The following GALNT8 variants were observed in gnomAD, a reference collection of about 807,000 sequenced individuals.
GALNT8 encodes polypeptide N-acetylgalactosaminyltransferase 8.
Under a neutral mutation model 62.7 loss-of-function variants are expected in GALNT8, and 66 were observed. The observed-to-expected ratio is 1.05, with a 90% CI of 0.86 to 1.29. GALNT8 has a LOEUF of 1.29. Among genes scored for constraint, GALNT8 ranks in the 50% most tolerant of loss-of-function variants. The pLI is 0.00. For synonymous variants in GALNT8, 288 were observed against 294.3 expected (o/e 0.98, Z 0.22); for missense variants, 771 against 791.8 (o/e 0.97, Z 0.32).
chr12:4,761,330 A>G (rs994753642), intron 7 of GALNT8, among the ~76,000 whole-genome samples, 187 bp downstream of exon 7: 4 of 152,166 alleles, frequency 2.6e-5, no homozygotes, highest in South Asian at 2.1e-4. Flanking sequence ...GGACCCTTCT[A>G]TATATTAACT....
intron 10 of GALNT8, among the ~76,000 whole-genome samples, chr12:4,768,121 GT>G (rs1946407852): frequency 2.0e-5 from 3 of 152,050 alleles, no homozygotes; most frequent in Admixed American, 2.0e-4. Context: ...TCTCTTAAAT[GT>G]TTCAGAAGTG....
intron 3 of GALNT8, 98 bp downstream of exon 3, chr12:4,739,427 T>G: frequency 3.5e-6 from 3 of 859,760 alleles, no homozygotes; most frequent in Non-Finnish European, 5.5e-6. Flanking sequence ...ACACCTTGGG[T>G]TTCTCATGTA....
rs759672530 is a variant in GALNT8, at chr12:4,726,865, A to C, written c.509+36A>C. ...CCAGGCTTGGGCTTCTAGGGTCCTCAGTTTGATTTGAGGATGAGCTTTGGG... is the reference window on the plus strand; with the variant it reads ...CCAGGCTTGGGCTTCTAGGGTCCTCCGTTTGATTTGAGGATGAGCTTTGGG... On this transcript the variant is annotated intron_variant, in intron 2 of 10. Transcript: ENST00000252318. The surrounding 1 kb of genome is among the most constrained non-coding windows in gnomAD (Gnocchi z 4.1). 1 of 1,551,402 alleles carries C rather than the reference A, an allele frequency of 6.4e-7. No individual in the cohort carries two copies. Among genetic ancestry groups the C allele is most frequent in the Non-Finnish European group, 8.8e-7 (1 of 1,142,408 alleles).
intron 6 of GALNT8, among the ~76,000 whole-genome samples, chr12:4,747,177 G>T (rs1946303728): frequency 6.6e-6 from 1 of 152,110 alleles, no homozygotes; most frequent in Non-Finnish European, 1.5e-5. Context: ...AGAGAATGGG[G>T]TATCCATCCC....
At chr12:4,758,662 G>A (rs1946357615) in intron 6 of GALNT8, among the ~76,000 whole-genome samples, 1 of 151,440 alleles carries the variant, frequency 6.6e-6, no homozygotes, top group Non-Finnish European at 1.5e-5. Flanking sequence ...GAGAGAGAGA[G>A]AGAGAGAGAG....
chr12:4,745,768 G>A (rs554934598), intron 5 of GALNT8, 142 bp downstream of exon 5: 5 of 661,808 alleles, frequency 7.6e-6, no homozygotes, highest in Admixed American at 7.0e-5. Context: ...AAGGGATAGA[G>A]GGAAAAAACC....
rs1003597724 is a variant in GALNT8 at position 4,739,575 on chromosome 12, T to C, written c.676+246T>C. Among the ~76,000 whole-genome samples, 5 of 151,730 alleles carry C rather than the reference T, an allele frequency of 3.3e-5. No homozygotes were observed. In the East Asian group the frequency reaches 9.7e-4, roughly 29 times the overall value. ...AAAGAGATCACACAGTGTGCTTAAA[T>C]TGGGCTGCAACCCAGTGGCAGAGGT... On this transcript the variant is annotated intron_variant, in intron 3 of 10. Transcript: ENST00000252318.
chr12:4,766,312 C>T (rs1169081180), intron 10 of GALNT8, among the ~76,000 whole-genome samples: 3 of 152,268 alleles, frequency 2.0e-5, no homozygotes, highest in Non-Finnish European at 4.4e-5. Context: ...TTTCCTTACC[C>T]TCTCTGAAGC....
intron 1 of GALNT8, among the ~76,000 whole-genome samples, chr12:4,722,676 C>G (rs1946176274): frequency 6.6e-6 from 1 of 152,090 alleles, no homozygotes; most frequent in Non-Finnish European, 1.5e-5. Flanking sequence ...ATGCTGGAAC[C>G]CCATAGGGAG....
chr12:4,738,116 A>G (rs1946254244), intron 2 of GALNT8, among the ~76,000 whole-genome samples: 1 of 152,218 alleles, frequency 6.6e-6, no homozygotes, highest in South Asian at 2.1e-4. Flanking sequence ...AAATATTTAC[A>G]CTTAAATTTA....
intron 6 of GALNT8, among the ~76,000 whole-genome samples, chr12:4,747,202 C>G (rs935854803): frequency 6.6e-6 from 1 of 152,100 alleles, no homozygotes; most frequent in African/African-American, 2.4e-5. Flanking sequence ...AGCATTTATC[C>G]TTTGTGTTAC....
Position 4,758,606 on chromosome 12 carries a change from CTGTGTGTGTG to C in GALNT8, c.1174-2329_1174-2320del, listed in dbSNP as rs67025688. ...TATTATCAGCAGAAGCTTAATGTCT[CTGTGTGTGTG>C]TGTGTGTGTGTGTGTGTGTGTGAGA... On this transcript the variant is annotated intron_variant, in intron 6 of 10. Coordinates refer to ENST00000252318, the MANE Select transcript of GALNT8 (RefSeq NM_017417.2). 2.6e-3 allele frequency among the ~76,000 whole-genome samples: 298 copies of C among 113,640 alleles called. 2 individuals carry two copies. The highest frequency in any genetic ancestry group is 9.8e-3 in the African/African-American group (272 of 27,712). 74.6% of individuals were successfully genotyped at this position (113,640 alleles called of 152,430 possible). A position where few individuals can be genotyped will look rare whatever the true frequency, so the allele number is the denominator to read the frequency against.
intron 6 of GALNT8, among the ~76,000 whole-genome samples, chr12:4,759,317 C>T (rs1204891667): frequency 2.0e-5 from 3 of 151,970 alleles, no homozygotes; most frequent in African/African-American, 7.2e-5. Context: ...AGAAAATGTG[C>T]ACTTCAGGTT....
intron 10 of GALNT8, among the ~76,000 whole-genome samples, chr12:4,770,313 AAAAAAAC>A (rs1297379124): frequency 1.3e-5 from 2 of 151,918 alleles, no homozygotes; most frequent in South Asian, 2.1e-4. Flanking sequence ...AAAGAAAAAA[AAAAAAAC>A]AAAAAACAAA....
chr12:4,728,915 A>T (rs1489960256), intron 2 of GALNT8, among the ~76,000 whole-genome samples: 8 of 152,142 alleles, frequency 5.3e-5, no homozygotes, highest in African/African-American at 1.9e-4. Context: ...TTTGACAGGG[A>T]TTTCATTAAC....
chr12:4,739,131 A>T (rs750370745), intron 2 of GALNT8, 32 bp from the exon 3 acceptor site: 56 of 1,463,936 alleles, frequency 3.8e-5, no homozygotes, highest in African/African-American at 7.1e-5. Context: ...AATTAAAAAA[A>T]AATAATATGT....
At chr12:4,765,620 A>G (rs1946396464) in intron 10 of GALNT8, 74 bp downstream of exon 10, 1 of 1,193,570 alleles carries the variant, frequency 8.4e-7, no homozygotes, top group East Asian at 2.5e-5. Flanking sequence ...CTTGCTCTGC[A>G]GCCCAGGCTA....
In GALNT8 at chr12:4,720,582, CTCTT is replaced by C; in HGVS notation, c.-93_-90del. On this transcript the variant is annotated 5_prime_UTR_variant, in exon 1 of 11. The change creates a premature stop within an existing upstream ORF in the 5' untranslated region. Coordinates refer to ENST00000252318, the MANE Select transcript of GALNT8 (RefSeq NM_017417.2). The stretch of plus-strand genomic sequence containing the variant: ...ACCAACTCAACTGGCACCTAGAACT[CTCTT>C]TCCCACAAAAGCTAGGCTGGTTCTG... 1 of 856,020 alleles carries C rather than the reference CTCTT, an allele frequency of 1.2e-6. No individual in the cohort carries two copies. The highest frequency in any genetic ancestry group is 1.8e-5 in the Admixed American group (1 of 55,858). The allele number at this position is 856,020 out of a possible 1,614,324, so 53.0% of individuals were successfully genotyped here.
intron 10 of GALNT8, among the ~76,000 whole-genome samples, chr12:4,771,473 A>G (rs1946424105): frequency 6.6e-6 from 1 of 151,952 alleles, no homozygotes; most frequent in African/African-American, 2.4e-5. Context: ...AAGAGATGAG[A>G]GGCAGGGAGG....
Sources: gnomAD v4.1 joint callset for allele counts (sites outside exome capture counted in the v4.1 genomes callset) on GRCh38, gnomAD v4.1.1 for gene constraint, Gnocchi (gnomAD v3.1) non-coding constraint, MANE v1.5 for transcripts, NCBI Gene and HGNC (gene_info 2026-07-23, HGNC 2026-07-21) for gene names.